The following RASSF3 variants were observed in gnomAD, a reference collection of about 807,000 sequenced individuals.
The protein encoded by RASSF3 is Ras association domain family member 3.
RASSF3 carries 19 observed loss-of-function variants against 19.9 expected under a neutral mutation model. That is an observed-to-expected ratio of 0.96 (90% CI 0.67 to 1.40). RASSF3 has a LOEUF of 1.40. RASSF3 is among the 40% of genes most tolerant of loss of function. RASSF3 has a pLI of 0.00. For synonymous variants in RASSF3, 110 were observed against 104.2 expected (o/e 1.06, Z -0.34); for missense variants, 306 against 289.8 (o/e 1.06, Z -0.41).
chr12:64,604,871 C>T (rs1309016214), intron 2 of RASSF3, among the ~76,000 whole-genome samples: 2 of 151,816 alleles, frequency 1.3e-5, no homozygotes, highest in Admixed American at 6.6e-5. Flanking sequence ...GTGATCCGCC[C>T]GCCTCGGCCT....
At chr12:64,602,170 C>G (rs1034897346) in intron 2 of RASSF3, among the ~76,000 whole-genome samples, 13 of 151,224 alleles carry the variant, frequency 8.6e-5, no homozygotes, top group Non-Finnish European at 1.8e-4. Context: ...GGTGTGGTGG[C>G]TCACGTCTAC....
chr12:64,658,453 C>T (rs939143315), intron 1 of RASSF3, among the ~76,000 whole-genome samples: 5 of 152,112 alleles, frequency 3.3e-5, no homozygotes, highest in South Asian at 2.1e-4. Flanking sequence ...AATGTTTTTG[C>T]GCTTTGTAAG....
chr12:64,647,434 G>A (rs1051870395), intron 1 of RASSF3, among the ~76,000 whole-genome samples: 2 of 145,002 alleles, frequency 1.4e-5, no homozygotes, highest in Admixed American at 7.0e-5. Flanking sequence ...TTGGTGAGAC[G>A]GGGTCTTGCA....
intron 1 of RASSF3, among the ~76,000 whole-genome samples, chr12:64,512,200 T>TG (rs1312163666): frequency 6.6e-6 from 1 of 152,212 alleles, no homozygotes; most frequent in Non-Finnish European, 1.5e-5. Flanking sequence ...TCTGGTGTCT[T>TG]GTCTATTGGA....
intron 3 of RASSF3, among the ~76,000 whole-genome samples, chr12:64,690,863 T>A (rs77659252): frequency 0.033 from 5,003 of 151,324 alleles, 157 homozygotes; most frequent in East Asian, 0.15. Context: ...TTAAAAAAAA[T>A]TTTATTTATT....
At chr12:64,657,181 T>G (rs1200837425) in intron 1 of RASSF3, among the ~76,000 whole-genome samples, 1 of 152,082 alleles carries the variant, frequency 6.6e-6, no homozygotes, top group Non-Finnish European at 1.5e-5. Flanking sequence ...CTGGCTAATT[T>G]TTGTATTTTT....
At position 64,550,827 on chromosome 12, in the gene RASSF3, AAAAAAAG is replaced by A. The variant is rs1869146929; in HGVS notation, c.294+9126_294+9132del. Among the ~76,000 whole-genome samples the A allele has an allele frequency of 3.3e-5, 5 of 149,578 alleles. No individual in the cohort carries two copies. In the South Asian group the frequency reaches 1.1e-3, roughly 32 times the overall value. The stretch of plus-strand genomic sequence containing the variant: ...GGGAGAGAGACTCCATCTCAAAAAA[AAAAAAAG>A]AAAGAAAGAAAGGAAAAAAAAAAGA... On this transcript the variant is annotated intron_variant, in intron 2 of 5. Coordinates refer to the RASSF3 transcript ENST00000637125.
In RASSF3 at chr12:64,696,580, G is replaced by C. The variant is rs1290468406; in HGVS notation, c.*1668G>C. 2 of 151,920 alleles carry C rather than the reference G, an allele frequency of 1.3e-5. No homozygotes were observed. The highest frequency in any genetic ancestry group is 4.8e-5 in the African/African-American group (2 of 41,368). 9.4% of individuals were successfully genotyped at this position (151,920 alleles called of 1,614,324 possible). A position where few individuals can be genotyped will look rare whatever the true frequency, so the allele number is the denominator to read the frequency against. On this transcript the variant is annotated 3_prime_UTR_variant, in exon 5 of 5. Coordinates refer to ENST00000542104, the MANE Select transcript of RASSF3 (RefSeq NM_178169.4). ...CTTTTTGAAATTCCAAGGTGCTTCAGTTCTTTGCCCAAGTGAACTGTGCCT... is the reference window on the plus strand; with the variant it reads ...CTTTTTGAAATTCCAAGGTGCTTCACTTCTTTGCCCAAGTGAACTGTGCCT...
At chr12:64,576,850 C>CAA (rs56963418) in intron 2 of RASSF3, among the ~76,000 whole-genome samples, 1,805 of 85,454 alleles carry the variant, frequency 0.021, 47 homozygotes, top group African/African-American at 0.033. Flanking sequence ...GACCCTGTCT[C>CAA]AAAAAAAAAA....
chr12:64,651,289 T>C (rs1229948339), intron 1 of RASSF3, among the ~76,000 whole-genome samples: 3 of 152,182 alleles, frequency 2.0e-5, no homozygotes, highest in Non-Finnish European at 4.4e-5. Flanking sequence ...AAAATGATAA[T>C]GACAATGGTG....
chr12:64,524,662 A>T (rs1868547867), intron 1 of RASSF3, among the ~76,000 whole-genome samples: 1 of 152,118 alleles, frequency 6.6e-6, no homozygotes, highest in Non-Finnish European at 1.5e-5. Context: ...ACTGACTTTT[A>T]ATGTGCAAAC....
At chr12:64,557,363 C>A (rs1429795151) in intron 2 of RASSF3, among the ~76,000 whole-genome samples, 2 of 152,094 alleles carry the variant, frequency 1.3e-5, no homozygotes, top group African/African-American at 2.4e-5. Context: ...TAAATTCTTC[C>A]CTGACCCCAT....
chr12:64,590,181 G>A (rs1293351772), intron 2 of RASSF3, among the ~76,000 whole-genome samples: 1 of 151,404 alleles, frequency 6.6e-6, no homozygotes, highest in Non-Finnish European at 1.5e-5. Flanking sequence ...AGGCTGTAAT[G>A]AGCTGAGATG....
At chr12:64,561,085 C>T (rs1442084892) in intron 2 of RASSF3, among the ~76,000 whole-genome samples, 1 of 152,134 alleles carries the variant, frequency 6.6e-6, no homozygotes, top group Non-Finnish European at 1.5e-5. Flanking sequence ...GTAGAAAGGG[C>T]GTTCTGTAAA....
At chr12:64,527,152 CTG>C (rs1160669801) in intron 1 of RASSF3, among the ~76,000 whole-genome samples, 1 of 152,214 alleles carries the variant, frequency 6.6e-6, no homozygotes, top group Non-Finnish European at 1.5e-5. Flanking sequence ...CTGTCCTCCT[CTG>C]AGAACTGCTG....
At chr12:64,606,869 C>T (rs1870202692), upstream of RASSF3, among the ~76,000 whole-genome samples, 1 of 151,924 alleles carries the variant, frequency 6.6e-6, no homozygotes, top group South Asian at 2.1e-4. Context: ...TTATTTATTC[C>T]ACCCCCTTCC....
rs749048567 is a variant in RASSF3 at position 64,688,451 on chromosome 12, A to G, written c.455A>G (p.Gln152Arg). Residue 152 changes from glutamine to arginine, a missense_variant and splice_region_variant, in exon 3 of 5, where the codon CAA (glutamine) becomes CGA (arginine). Transcript: ENST00000542104. ...ALYKRCHRED[Q>R]VYACKLSDRE... is the part of the protein sequence containing the mutation. The stretch of plus-strand genomic sequence containing the variant: ...TATAAGCGTTGTCACAGGGAAGACC[A>G]AGGTACGCTGCCAGCTTAAAAGGAA... 6.2e-6 allele frequency: 10 copies of G among 1,605,860 alleles called. No individual in the cohort carries two copies. Among genetic ancestry groups the G allele is most frequent in the Non-Finnish European group, 8.5e-6 (10 of 1,172,412 alleles).
At chr12:64,582,608 A>G (rs1307873500) in intron 2 of RASSF3, among the ~76,000 whole-genome samples, 1 of 152,182 alleles carries the variant, frequency 6.6e-6, no homozygotes, top group African/African-American at 2.4e-5. Context: ...TTTGAGGGGT[A>G]GGTGAGGAGT....
chr12:64,693,514 G>C (rs1333921765), intron 4 of RASSF3, among the ~76,000 whole-genome samples: 1 of 151,880 alleles, frequency 6.6e-6, no homozygotes, highest in Admixed American at 6.6e-5. Flanking sequence ...AATCTCCCGG[G>C]CTCAAGCAAT....
Sources: allele counts gnomAD v4.1 joint callset (sites outside exome capture counted in the v4.1 genomes callset), GRCh38; gene constraint gnomAD v4.1.1; transcripts MANE v1.5; gene names NCBI Gene and HGNC (gene_info 2026-07-23, HGNC 2026-07-21).